Variants in CARMIL1 observed in about 807,000 individuals in gnomAD.
CARMIL1 encodes the protein F-actin-uncapping protein LRRC16A.
Under a neutral mutation model 177.1 loss-of-function variants are expected in CARMIL1, and 90 were observed. The observed-to-expected ratio is 0.51, with a 90% CI of 0.43 to 0.61. The LOEUF (loss-of-function observed/expected upper bound fraction) is 0.61. Among genes scored for constraint, CARMIL1 ranks in the 20% least tolerant of loss-of-function variants. The pLI is 0.00. For synonymous variants in CARMIL1, 577 were observed against 606.2 expected, an observed-to-expected ratio of 0.95 and a Z score of 0.71; for missense variants, 1,380 against 1,667.0, an observed-to-expected ratio of 0.83 and a Z score of 3.00.
In CARMIL1 at chr6:25,558,400, T is replaced by G. The variant is rs1171298853; in HGVS notation, c.2742+1550T>G. Among the ~76,000 whole-genome samples, 2 of 152,244 alleles carry G rather than the reference T, an allele frequency of 1.3e-5. No homozygotes were observed. The highest frequency in any genetic ancestry group is 4.8e-5 in the African/African-American group (2 of 41,462). On this transcript the variant is annotated intron_variant, in intron 29 of 36. Coordinates refer to ENST00000329474, the MANE Select transcript of CARMIL1 (RefSeq NM_017640.6). The surrounding 1 kb of genome is among the most constrained non-coding windows in gnomAD (Gnocchi z 4.1). ...TGGCTCACCTACTGTAACGTTGGTT[T>G]TAAACTGTGTAAACTTTGTTTGGAA...
chr6:25,305,312 A>G lies in CARMIL1; in HGVS notation c.138+20403A>G, dbSNP rs77572245. On this transcript the variant is annotated intron_variant, in intron 2 of 36. Transcript: ENST00000329474. ...CTTTTTCCAGGAATATTGTGAGAGTAAGTGGGAAGTAGAGCTTTTAGAATT... is the reference window on the plus strand; with the variant it reads ...CTTTTTCCAGGAATATTGTGAGAGTGAGTGGGAAGTAGAGCTTTTAGAATT... Among the ~76,000 whole-genome samples the G allele has an allele frequency of 3.1e-4, 47 of 152,324 alleles. No individual in the cohort carries two copies. The South Asian group carries it at 8.7e-3, about 28-fold the overall frequency.
At chr6:25,500,765 A>T (rs115975471) in intron 17 of CARMIL1, among the ~76,000 whole-genome samples, 16,807 of 151,368 alleles carry the variant, frequency 0.11, 1,245 homozygotes, top group East Asian at 0.3. Context: ...ATATTTATAT[A>T]TTTTTTTTTC....
intron 2 of CARMIL1, among the ~76,000 whole-genome samples, chr6:25,330,890 T>G (rs994022031): frequency 5.4e-4 from 5 of 9,192 alleles, no homozygotes; most frequent in African/African-American, 5.4e-3. Context: ...TTCAAGAGGT[T>G]TTTTTTTTTT....
intron 2 of CARMIL1, among the ~76,000 whole-genome samples, chr6:25,418,700 T>C (rs58265970): frequency 0.014 from 2,130 of 152,252 alleles, 54 homozygotes; most frequent in African/African-American, 0.046. Context: ...TGCCTACACT[T>C]TTAGAAGTCA....
intron 29 of CARMIL1, among the ~76,000 whole-genome samples, chr6:25,575,748 G>A (rs1812531508): frequency 6.6e-6 from 1 of 152,190 alleles, no homozygotes; most frequent in Non-Finnish European, 1.5e-5. Context: ...TGAAGAATGA[G>A]AAATTTTCAG....
chr6:25,480,153 C>T (rs1014648779), intron 11 of CARMIL1, among the ~76,000 whole-genome samples: 2 of 152,020 alleles, frequency 1.3e-5, no homozygotes, highest in Admixed American at 1.3e-4. Flanking sequence ...TTACTGGGTA[C>T]AGCATTTTAA....
At chr6:25,424,671 A>C (rs1276753012) in intron 3 of CARMIL1, among the ~76,000 whole-genome samples, 1 of 152,228 alleles carries the variant, frequency 6.6e-6, no homozygotes, top group Non-Finnish European at 1.5e-5. Flanking sequence ...TGAGTGCAAA[A>C]GAAGAGTGTC....
At chr6:25,572,965 G>A (rs1812240024) in intron 29 of CARMIL1, among the ~76,000 whole-genome samples, 1 of 152,134 alleles carries the variant, frequency 6.6e-6, no homozygotes, top group Non-Finnish European at 1.5e-5. Flanking sequence ...CCTGAATGTG[G>A]GGAGCGCATT....
At chr6:25,332,200 A>G (rs1454912981) in intron 2 of CARMIL1, among the ~76,000 whole-genome samples, 2 of 152,210 alleles carry the variant, frequency 1.3e-5, no homozygotes, top group African/African-American at 4.8e-5. Flanking sequence ...AGGTCATAAT[A>G]GTCATAAAAG....
At chr6:25,293,788 C>G (rs997912511) in intron 2 of CARMIL1, among the ~76,000 whole-genome samples, 2 of 151,952 alleles carry the variant, frequency 1.3e-5, no homozygotes, top group African/African-American at 4.8e-5. Flanking sequence ...GTGGCATGAT[C>G]TCAACTCATT....
At chr6:25,477,967 C>A (rs976835481) in intron 11 of CARMIL1, among the ~76,000 whole-genome samples, 1 of 151,288 alleles carries the variant, frequency 6.6e-6, no homozygotes, top group African/African-American at 2.4e-5. Flanking sequence ...GCCATCCTCC[C>A]CACTCAGTCT....
chr6:25,581,137 C>G lies in CARMIL1; in HGVS notation c.2810-106C>G, dbSNP rs187553945. On this transcript the variant is annotated intron_variant, in intron 30 of 36. Transcript: ENST00000329474. The stretch of plus-strand genomic sequence containing the variant: ...TCAGTGATCTGTGAATGTGTGTTTG[C>G]TATTCTATGCTAGACTTAAAATTAC... 4.8e-5 allele frequency: 62 copies of G among 1,279,408 alleles called. No individual in the cohort carries two copies. The Middle Eastern group carries it at 7.5e-4, about 15-fold the overall frequency. 79.3% of individuals were successfully genotyped at this position (1,279,408 alleles called of 1,614,324 possible).
At chr6:25,393,118 A>G (rs189288227) in intron 2 of CARMIL1, among the ~76,000 whole-genome samples, 3 of 152,284 alleles carry the variant, frequency 2.0e-5, no homozygotes, top group African/African-American at 4.8e-5. Flanking sequence ...GATCTCCACA[A>G]TAACTTACGA....
intron 31 of CARMIL1, among the ~76,000 whole-genome samples, chr6:25,591,112 T>C (rs188866636): frequency 6.6e-6 from 1 of 152,332 alleles, no homozygotes; most frequent in Admixed American, 6.5e-5. Context: ...TGCACCTAAT[T>C]GTCCTTACTT....
chr6:25,486,195 G>T (rs1347755012), intron 12 of CARMIL1, among the ~76,000 whole-genome samples: 3 of 152,130 alleles, frequency 2.0e-5, no homozygotes, highest in Non-Finnish European at 4.4e-5. Flanking sequence ...GGCTGTAAGA[G>T]CCTTGATTTT....
At chr6:25,459,266 C>CTTTCTTTCTTTCTTTCTTTTT in intron 8 of CARMIL1, among the ~76,000 whole-genome samples, 2 of 73,742 alleles carry the variant, frequency 2.7e-5, no homozygotes, top group Non-Finnish European at 5.9e-5. Flanking sequence ...TTCTTTCTTT[C>CTTTCTTTCTTTCTTTCTTTTT]TTTTTTTTTT....
intron 2 of CARMIL1, among the ~76,000 whole-genome samples, chr6:25,361,987 TA>T (rs1260508043): frequency 6.6e-6 from 1 of 151,774 alleles, no homozygotes; most frequent in Non-Finnish European, 1.5e-5. Context: ...AAAAAGAAAT[TA>T]AAAAAAGAAA....
intron 23 of CARMIL1, among the ~76,000 whole-genome samples, chr6:25,524,148 T>G (rs1339125609): frequency 1.3e-5 from 2 of 152,152 alleles, no homozygotes; most frequent in Non-Finnish European, 2.9e-5. Context: ...AGGGGAAAGA[T>G]GATTAAACAA....
intron 2 of CARMIL1, among the ~76,000 whole-genome samples, chr6:25,290,848 C>G (rs1246211045): frequency 6.6e-6 from 1 of 152,188 alleles, no homozygotes; most frequent in Non-Finnish European, 1.5e-5. Flanking sequence ...TGCAGTGGCA[C>G]TATCACAATC....
Sources: allele counts gnomAD v4.1 joint callset (sites outside exome capture counted in the v4.1 genomes callset), GRCh38; gene constraint gnomAD v4.1.1; non-coding constraint Gnocchi (gnomAD v3.1); transcripts MANE v1.5; gene names NCBI Gene and HGNC (gene_info 2026-07-23, HGNC 2026-07-21).